The following GNA14 variants were observed in gnomAD, a reference collection of about 807,000 sequenced individuals.
GNA14 encodes guanine nucleotide-binding protein subunit alpha-14.
Under a neutral mutation model 42.0 loss-of-function variants are expected in GNA14, and 50 were observed. The observed-to-expected ratio is 1.19, with a 90% CI of 0.95 to 1.51. GNA14 has a LOEUF of 1.51. Ranked by LOEUF, GNA14 falls within the 40% of genes most tolerant of loss-of-function variation. The pLI is 0.00. For missense variants in GNA14, 473 were observed against 446.2 expected (o/e 1.06, Z -0.54); for synonymous variants, 173 against 163.1 (o/e 1.06, Z -0.46).
chr9:77,425,716 C>T lies in GNA14; in HGVS notation c.724-1G>A, dbSNP rs1445270141. ...AGGCTTTGCTCTCTTCCATGCGATTCTAAGTGAAAAACAAGGGACTTGGGA... is the reference window on the plus strand; with the variant it reads ...AGGCTTTGCTCTCTTCCATGCGATTTTAAGTGAAAAACAAGGGACTTGGGA... On this transcript the variant is annotated splice_acceptor_variant, in intron 5 of 6. Transcript: ENST00000341700. LOFTEE classifies it high-confidence loss of function. 2.5e-6 allele frequency: 4 copies of T among 1,587,320 alleles called. No individual in the cohort carries two copies. The highest frequency in any genetic ancestry group is 3.4e-6 in the Non-Finnish European group (4 of 1,169,700).
chr9:77,448,818 G>A (rs1587767189), intron 2 of GNA14, among the ~76,000 whole-genome samples: 2 of 152,164 alleles, frequency 1.3e-5, no homozygotes, highest in African/African-American at 2.4e-5. Flanking sequence ...GGTAAGAAGT[G>A]TGCAGAGTGT....
intron 1 of GNA14, among the ~76,000 whole-genome samples, chr9:77,579,594 T>C (rs946694782): frequency 2.0e-5 from 3 of 152,206 alleles, no homozygotes; most frequent in South Asian, 2.1e-4. Context: ...CACAGACCCA[T>C]TGTTCTTCCT....
At position 77,434,376 on chromosome 9, in the gene GNA14, A is replaced by G. The variant is rs373892352; in HGVS notation, c.456T>C (p.Ser152=). The change falls in exon 3 of 7, where the codon TCT becomes TCC. Residue 152 remains serine, a synonymous_variant. Coordinates refer to ENST00000341700, the MANE Select transcript of GNA14 (RefSeq NM_004297.4). Reference sequence around the variant, plus strand: ...GTGGGCTCTGTACTCACTATTTGGCAGAGTCCGACAGCTGGTACTCCCTCC... The same window carrying G: ...GTGGGCTCTGTACTCACTATTTGGCGGAGTCCGACAGCTGGTACTCCCTCC... ...DRRREYQLSD[S]AKYYLTDIDR... 42 of 1,613,530 alleles carry G rather than the reference A, an allele frequency of 2.6e-5. No homozygotes were observed. Among genetic ancestry groups the G allele is most frequent in the South Asian group, 1.8e-4 (16 of 91,032 alleles).
intron 2 of GNA14, among the ~76,000 whole-genome samples, chr9:77,517,180 G>A (rs566512423): frequency 2.6e-5 from 4 of 152,256 alleles, no homozygotes; most frequent in South Asian, 4.1e-4. Context: ...CTGCCCTTCC[G>A]ACCTGAGCTC....
chr9:77,459,762 C>T (rs866834138), intron 2 of GNA14, among the ~76,000 whole-genome samples: 2 of 152,130 alleles, frequency 1.3e-5, no homozygotes, highest in Non-Finnish European at 2.9e-5. Flanking sequence ...ATAATGTGTC[C>T]TTATTTGACC....
At chr9:77,493,046 T>TATATATA (rs1564030867) in intron 2 of GNA14, among the ~76,000 whole-genome samples, 11 of 136,626 alleles carry the variant, frequency 8.1e-5, no homozygotes, top group Non-Finnish European at 1.2e-4. Flanking sequence ...TATATATATA[T>TATATATA]TTGGGAGATG....
intron 2 of GNA14, among the ~76,000 whole-genome samples, chr9:77,510,646 T>G (rs1837148906): frequency 6.6e-6 from 1 of 152,232 alleles, no homozygotes; most frequent in African/African-American, 2.4e-5. Context: ...CAGTTAGGTT[T>G]GGTTCCCAGT....
chr9:77,626,908 G>T (rs985609948), intron 1 of GNA14, among the ~76,000 whole-genome samples: 1 of 152,086 alleles, frequency 6.6e-6, no homozygotes, highest in Non-Finnish European at 1.5e-5. Flanking sequence ...AGAAGATAGA[G>T]ACACGAACAA....
intron 2 of GNA14, among the ~76,000 whole-genome samples, chr9:77,462,418 G>C (rs371727515): frequency 1.3e-5 from 2 of 152,224 alleles, no homozygotes; most frequent in African/African-American, 4.8e-5. Context: ...TCCCAACTTT[G>C]GTTAGAAATA....
intron 1 of GNA14, among the ~76,000 whole-genome samples, chr9:77,538,778 G>T (rs1337694752): frequency 6.6e-6 from 1 of 152,008 alleles, no homozygotes; most frequent in East Asian, 1.9e-4. Context: ...TGTTGATTTT[G>T]TGTCCTATAA....
chr9:77,583,707 C>G (rs1334498900), intron 1 of GNA14, among the ~76,000 whole-genome samples: 2 of 152,108 alleles, frequency 1.3e-5, no homozygotes, highest in Non-Finnish European at 2.9e-5. Context: ...CTTGATCAGC[C>G]CCTAAACTAA....
chr9:77,598,829 G>A lies in GNA14; in HGVS notation c.124+48841C>T, dbSNP rs138972149. Among the ~76,000 whole-genome samples the A allele has an allele frequency of 4.0e-4, 61 of 152,240 alleles. 4 individuals carry two copies. The highest frequency in any genetic ancestry group is 1.4e-3 in the African/African-American group (58 of 41,536). Reference sequence around the variant, plus strand: ...CTGCTTTAAAGAGTCGTCTTTAGGAGCCCCCAATTAAGGGAAAAACACCAT... The same window carrying A: ...CTGCTTTAAAGAGTCGTCTTTAGGAACCCCCAATTAAGGGAAAAACACCAT... On this transcript the variant is annotated intron_variant, in intron 1 of 6. Coordinates refer to ENST00000341700, the MANE Select transcript of GNA14 (RefSeq NM_004297.4).
intron 1 of GNA14, among the ~76,000 whole-genome samples, chr9:77,530,907 C>A (rs1837518199): frequency 6.6e-6 from 1 of 152,212 alleles, no homozygotes; most frequent in Non-Finnish European, 1.5e-5. Context: ...AGTCAGGGGA[C>A]AAGCCAAGGT....
chr9:77,563,676 A>T (rs1209330535), intron 1 of GNA14, among the ~76,000 whole-genome samples: 1 of 152,172 alleles, frequency 6.6e-6, no homozygotes, highest in African/African-American at 2.4e-5. Context: ...TTTTTTAAAC[A>T]AGATTTTTTT....
intron 1 of GNA14, among the ~76,000 whole-genome samples, chr9:77,604,314 G>T (rs1823617213): frequency 6.6e-6 from 1 of 152,230 alleles, no homozygotes; most frequent in East Asian, 1.9e-4. Flanking sequence ...CTATCCGGTA[G>T]AGATAGAGGT....
chr9:77,578,452 G>A (rs1023628467), intron 1 of GNA14, among the ~76,000 whole-genome samples: 2 of 152,058 alleles, frequency 1.3e-5, no homozygotes, highest in Admixed American at 1.3e-4. Context: ...CTTGTTTAGA[G>A]CTTGTTTGAT....
chr9:77,599,602 GC>G (rs1340046140), intron 1 of GNA14, among the ~76,000 whole-genome samples: 1 of 152,228 alleles, frequency 6.6e-6, no homozygotes, highest in Admixed American at 6.5e-5. Context: ...AGAGGCAAAT[GC>G]CAGTTTTGTA....
intron 1 of GNA14, among the ~76,000 whole-genome samples, chr9:77,583,389 C>T (rs934859858): frequency 1.3e-5 from 2 of 152,172 alleles, no homozygotes; most frequent in Admixed American, 1.3e-4. Flanking sequence ...CAGAAAACCC[C>T]AATTCAAGGA....
intron 6 of GNA14, among the ~76,000 whole-genome samples, chr9:77,424,502 C>T (rs778864607): frequency 5.3e-5 from 8 of 152,142 alleles, no homozygotes; most frequent in Non-Finnish European, 7.3e-5. Context: ...GGATTACAGG[C>T]GTGAGCCACC....
Sources: allele counts gnomAD v4.1 joint callset (sites outside exome capture counted in the v4.1 genomes callset), GRCh38; gene constraint gnomAD v4.1.1; transcripts MANE v1.5; gene names NCBI Gene and HGNC (gene_info 2026-07-23, HGNC 2026-07-21).